Variants in MAGI1 observed in about 807,000 individuals in gnomAD.
MAGI1 encodes the protein membrane associated guanylate kinase, WW and PDZ domain containing 1, also known as membrane-associated guanylate kinase, WW and PDZ domain-containing protein 1.
Under a neutral mutation model 139.9 loss-of-function variants are expected in MAGI1, and 58 were observed. That is an observed-to-expected ratio of 0.41 (90% confidence interval 0.34 to 0.52). The LOEUF is 0.52. MAGI1 is among the 20% of genes least tolerant of loss of function. The pLI is 0.12. For synonymous variants in MAGI1, 812 were observed against 737.9 expected, an observed-to-expected ratio of 1.10 and a Z score of -1.63; for missense variants, 1,874 against 1,901.6, an observed-to-expected ratio of 0.99 and a Z score of 0.27.
At chr3:65,669,212 G>GA (rs2086706952) in intron 1 of MAGI1, among the ~76,000 whole-genome samples, 1 of 151,870 alleles carries the variant, frequency 6.6e-6, no homozygotes, top group African/African-American at 2.4e-5. Flanking sequence ...TTTAACTGAA[G>GA]AAAAAAATGG....
intron 1 of MAGI1, among the ~76,000 whole-genome samples, chr3:65,832,735 G>C (rs563754334): frequency 6.6e-6 from 1 of 152,076 alleles, no homozygotes; most frequent in African/African-American, 2.4e-5. Context: ...GATATTTAAT[G>C]TTTACTGAAA....
chr3:65,456,530 A>G (rs766538043), intron 5 of MAGI1, among the ~76,000 whole-genome samples: 20 of 152,100 alleles, frequency 1.3e-4, no homozygotes, highest in Middle Eastern at 6.3e-3. Context: ...TTTTCATTTT[A>G]ATGATGTCAA....
At chr3:65,645,480 T>G (rs2085209175) in intron 1 of MAGI1, among the ~76,000 whole-genome samples, 1 of 152,062 alleles carries the variant, frequency 6.6e-6, no homozygotes, top group Non-Finnish European at 1.5e-5. Context: ...AATCAAGAGA[T>G]TCTCAGGTAA....
At chr3:65,714,132 T>C (rs1031738410) in intron 1 of MAGI1, among the ~76,000 whole-genome samples, 1 of 152,154 alleles carries the variant, frequency 6.6e-6, no homozygotes, top group African/African-American at 2.4e-5. Flanking sequence ...TTAACCCATG[T>C]AAAGCGTGTT....
chr3:65,898,204 G>T (rs2061064443), intron 1 of MAGI1, among the ~76,000 whole-genome samples: 1 of 152,154 alleles, frequency 6.6e-6, no homozygotes, highest in African/African-American at 2.4e-5. Context: ...ATTTCCACCT[G>T]TTTCCTGTAT....
chr3:65,633,397 T>A (rs574676231), intron 1 of MAGI1, among the ~76,000 whole-genome samples: 260 of 152,314 alleles, frequency 1.7e-3, no homozygotes, highest in African/African-American at 6.0e-3. Context: ...GTGAGTGTGA[T>A]GTGAGAGAGA....
At chr3:66,006,596 T>G (rs984427495) in intron 1 of MAGI1, among the ~76,000 whole-genome samples, 3 of 152,152 alleles carry the variant, frequency 2.0e-5, no homozygotes, top group African/African-American at 7.2e-5. Context: ...TAAAGCTTTT[T>G]CATCTGTTTA....
At chr3:65,569,191 A>C (rs2080823017) in intron 2 of MAGI1, among the ~76,000 whole-genome samples, 1 of 152,222 alleles carries the variant, frequency 6.6e-6, no homozygotes, top group Admixed American at 6.5e-5. Context: ...AAAAGGAAAA[A>C]TATTGCATGA....
At chr3:65,734,153 C>T (rs1559831554) in intron 1 of MAGI1, among the ~76,000 whole-genome samples, 2 of 152,080 alleles carry the variant, frequency 1.3e-5, no homozygotes. Context: ...TTTTCATTTG[C>T]AGGTTAAAAA....
chr3:65,688,414 G>C (rs373541142), intron 1 of MAGI1: 19 of 532,534 alleles, frequency 3.6e-5, no homozygotes, highest in East Asian at 1.3e-4. Context: ...AAGAAGAGAA[G>C]ACAGAAGAAC....
At chr3:65,915,183 G>C (rs1350702040) in intron 1 of MAGI1, among the ~76,000 whole-genome samples, 2 of 152,170 alleles carry the variant, frequency 1.3e-5, no homozygotes, top group African/African-American at 4.8e-5. Context: ...GGTCATGAAA[G>C]GATGCTGGTG....
chr3:65,897,802 G>T lies in MAGI1; in HGVS notation c.313+140194C>A, dbSNP rs182977474. Among the ~76,000 whole-genome samples, 9 of 151,340 alleles carry T rather than the reference G, an allele frequency of 5.9e-5. No homozygotes were observed. In the South Asian group the frequency reaches 1.7e-3, roughly 28 times the overall value. ...CACTTAAGCCCAGGAGGTTGAGGCC[G>T]AAGTGAGCTATGATAGCACCACCGC... On this transcript the variant is annotated intron_variant, in intron 1 of 22. Transcript: ENST00000402939.
At chr3:65,464,083 C>T (rs1166963718) in intron 5 of MAGI1, among the ~76,000 whole-genome samples, 1 of 152,066 alleles carries the variant, frequency 6.6e-6, no homozygotes, top group Non-Finnish European at 1.5e-5. Flanking sequence ...CTTTAGGGTC[C>T]ATAGTGACTC....
At chr3:65,933,508 C>A (rs1271962295) in intron 1 of MAGI1, among the ~76,000 whole-genome samples, 1 of 152,148 alleles carries the variant, frequency 6.6e-6, no homozygotes, top group Non-Finnish European at 1.5e-5. Context: ...AAGGCAGAAG[C>A]CACAATTCTG....
At chr3:65,448,876 G>C (rs1347587590) in intron 6 of MAGI1, among the ~76,000 whole-genome samples, 1 of 152,076 alleles carries the variant, frequency 6.6e-6, no homozygotes, top group Non-Finnish European at 1.5e-5. Flanking sequence ...GAAAACATGG[G>C]AGAACACACA....
At chr3:65,473,137 T>G (rs1950655850) in intron 4 of MAGI1, among the ~76,000 whole-genome samples, 1 of 152,172 alleles carries the variant, frequency 6.6e-6, no homozygotes, top group Non-Finnish European at 1.5e-5. Context: ...AGTAGGTAGT[T>G]GCCAGCAGCA....
At chr3:65,649,325 T>A (rs771745671) in intron 1 of MAGI1, among the ~76,000 whole-genome samples, 2 of 152,142 alleles carry the variant, frequency 1.3e-5, no homozygotes, top group African/African-American at 2.4e-5. Context: ...AAGGTTACAG[T>A]GAGCTGACTG....
chr3:65,726,956 C>CAAAAAAAAA (rs539578446), intron 1 of MAGI1, among the ~76,000 whole-genome samples: 4 of 102,192 alleles, frequency 3.9e-5, no homozygotes, highest in Non-Finnish European at 4.3e-5. Flanking sequence ...CTCCAAAATC[C>CAAAAAAAAA]AAAAAAAAAA....
chr3:65,953,236 A>G (rs779989398), intron 1 of MAGI1, among the ~76,000 whole-genome samples: 4 of 152,172 alleles, frequency 2.6e-5, no homozygotes, highest in South Asian at 2.1e-4. Flanking sequence ...TTAAAACTAG[A>G]TAAGTAAGGA....
Sources: allele counts gnomAD v4.1 joint callset (sites outside exome capture counted in the v4.1 genomes callset), GRCh38; gene constraint gnomAD v4.1.1; transcripts MANE v1.5; gene names NCBI Gene and HGNC (gene_info 2026-07-23, HGNC 2026-07-21).